The following ERICH3 variants were observed in gnomAD, a reference collection of about 807,000 sequenced individuals.
ERICH3 encodes the protein glutamate-rich protein 3.
ERICH3 carries 126 observed loss-of-function variants against 131.1 expected under a neutral mutation model. That is an observed-to-expected ratio of 0.96 (90% CI 0.83 to 1.11). The LOEUF (loss-of-function observed/expected upper bound fraction) is 1.11. ERICH3 is among the 50% of genes most tolerant of loss of function. ERICH3 has a pLI of 0.00. For missense variants in ERICH3, 2,050 were observed against 1,810.7 expected (o/e 1.13, Z -2.40); for synonymous variants, 695 against 644.6 (o/e 1.08, Z -1.18).
At chr1:74,627,191 C>T (rs1649446983) in intron 7 of ERICH3, among the ~76,000 whole-genome samples, 1 of 152,024 alleles carries the variant, frequency 6.6e-6, no homozygotes, top group South Asian at 2.1e-4. Context: ...CTCCAACAGA[C>T]ATCTAGCATG....
intron 10 of ERICH3, among the ~76,000 whole-genome samples, chr1:74,605,003 C>CT (rs1406792794): frequency 2.6e-5 from 4 of 151,990 alleles, no homozygotes; most frequent in African/African-American, 9.6e-5. Context: ...CAATGTAAGG[C>CT]TTTTTCATCT....
In ERICH3 at chr1:74,571,340, G is replaced by A. The variant is rs747292084; in HGVS notation, c.4370C>T (p.Ala1457Val). The change falls in exon 14 of 15, where the codon GCA becomes GTA. Residue 1457 changes from alanine (A) to valine (V), a missense_variant. Transcript: ENST00000326665. ...CCTCCCATCGCCACTCCCAGTGGCT[G>A]CCTCCTGGCCCTCTGACCCTTCCTC... ...EQEEGSEGQE[A>V]ATGSGDGRQE... 5 of 1,613,982 alleles carry A rather than the reference G, an allele frequency of 3.1e-6. No homozygotes were observed. Among genetic ancestry groups the A allele is most frequent in the Non-Finnish European group, 8.5e-7 (1 of 1,180,006 alleles).
At chr1:74,593,082 T>G (rs1044591986) in intron 11 of ERICH3, among the ~76,000 whole-genome samples, 1 of 152,162 alleles carries the variant, frequency 6.6e-6, no homozygotes, top group Non-Finnish European at 1.5e-5. Flanking sequence ...CTGGTAGTGA[T>G]GCTATAAGAA....
intron 9 of ERICH3, among the ~76,000 whole-genome samples, chr1:74,612,189 A>G (rs1216078445): frequency 6.6e-6 from 1 of 152,202 alleles, no homozygotes; most frequent in South Asian, 2.1e-4. Flanking sequence ...TAACCTCTAA[A>G]AGGCATAACC....
intron 5 of ERICH3, among the ~76,000 whole-genome samples, chr1:74,638,994 C>A (rs1646415149): frequency 6.6e-6 from 1 of 152,114 alleles, no homozygotes; most frequent in South Asian, 2.1e-4. Context: ...TTACAGTTTT[C>A]ATACACAAAC....
intron 1 of ERICH3, among the ~76,000 whole-genome samples, chr1:74,672,813 T>C (rs1249806469): frequency 6.6e-6 from 1 of 151,856 alleles, no homozygotes; most frequent in Non-Finnish European, 1.5e-5. Context: ...ATAATGACGG[T>C]GTTCTTTCTA....
intron 1 of ERICH3, among the ~76,000 whole-genome samples, chr1:74,667,445 C>G (rs1646702517): frequency 1.3e-5 from 2 of 152,140 alleles, no homozygotes; most frequent in African/African-American, 4.8e-5. Context: ...TCCAATAATT[C>G]AGTCTGCACA....
intron 5 of ERICH3, among the ~76,000 whole-genome samples, chr1:74,636,978 AATACT>A (rs1426113267): frequency 6.6e-6 from 1 of 152,204 alleles, no homozygotes; most frequent in Non-Finnish European, 1.5e-5. Flanking sequence ...GCATCCTTGA[AATACT>A]AGGAAAACAA....
intron 1 of ERICH3, among the ~76,000 whole-genome samples, chr1:74,662,158 G>T (rs917608921): frequency 6.6e-6 from 1 of 152,056 alleles, no homozygotes; most frequent in Admixed American, 6.6e-5. Flanking sequence ...TCTTGCATGT[G>T]GCCCTGAAAC....
intron 12 of ERICH3, chr1:74,578,076 G>A (rs1347620741): frequency 6.6e-6 from 1 of 152,236 alleles, no homozygotes; most frequent in Non-Finnish European, 1.5e-5. Context: ...CAGGATCACA[G>A]AGACCTAAAT....
intron 11 of ERICH3, among the ~76,000 whole-genome samples, chr1:74,598,391 C>G (rs957292697): frequency 3.3e-5 from 5 of 151,694 alleles, no homozygotes; most frequent in African/African-American, 9.7e-5. Context: ...ATGTCCCTAA[C>G]CTTTGGATTA....
In ERICH3 at chr1:74,612,727, C is replaced by G. The variant is rs748464128; in HGVS notation, c.1083G>C (p.Arg361Ser). 43 of 1,606,616 alleles carry G rather than the reference C, an allele frequency of 2.7e-5. No individual in the cohort carries two copies. Among genetic ancestry groups the G allele is most frequent in the Non-Finnish European group, 3.7e-5 (43 of 1,174,364 alleles). Residue 361 changes from arginine (R) to serine (S), a missense_variant, in exon 9 of 15, where the codon AGG becomes AGC. Physicochemically the swap from Arg to Ser is moderately radical, Grantham distance 110. Transcript: ENST00000326665. The part of the protein sequence containing the change: ...TFFLNGMQVN[R>S]LSSCCEYKHR... ...GCTTGTATTCACAACAGGAGCTTAA[C>G]CTGTTCACCTGCATCCCATTCAGGA...
intron 1 of ERICH3, among the ~76,000 whole-genome samples, chr1:74,668,967 T>G (rs1646717117): frequency 6.6e-6 from 1 of 152,176 alleles, no homozygotes; most frequent in African/African-American, 2.4e-5. Context: ...CATCCCAGTT[T>G]GCTAACTCGG....
intron 13 of ERICH3, 146 bp from the exon 14 acceptor site, chr1:74,573,637 C>T: frequency 9.9e-7 from 1 of 1,006,982 alleles, no homozygotes. Flanking sequence ...AAAACACTTT[C>T]TCCATTGTTT....
At chr1:74,575,692 G>C (rs1302443364) in intron 13 of ERICH3, among the ~76,000 whole-genome samples, 1 of 152,116 alleles carries the variant, frequency 6.6e-6, no homozygotes. Context: ...TTCTAATCTG[G>C]TTTCTAAATT....
At chr1:74,644,283 A>G (rs992639741) in intron 3 of ERICH3, among the ~76,000 whole-genome samples, 1 of 151,798 alleles carries the variant, frequency 6.6e-6, no homozygotes, top group African/African-American at 2.4e-5. Context: ...TTCACTATCA[A>G]CCTTTTTCCA....
chr1:74,634,539 A>C (rs1413803605), intron 6 of ERICH3: 14 of 602,266 alleles, frequency 2.3e-5, no homozygotes, highest in Non-Finnish European at 4.2e-5. Context: ...TAAAGGAAAA[A>C]AAAATTGCTC....
chr1:74,665,755 C>T (rs556660022), intron 1 of ERICH3, among the ~76,000 whole-genome samples: 17 of 152,138 alleles, frequency 1.1e-4, no homozygotes, highest in African/African-American at 4.1e-4. Context: ...AGATATTGGC[C>T]TGATTTAACC....
chr1:74,671,709 T>A (rs1646745192), intron 1 of ERICH3, among the ~76,000 whole-genome samples: 1 of 152,212 alleles, frequency 6.6e-6, no homozygotes, highest in African/African-American at 2.4e-5. Flanking sequence ...GAATGGAGCC[T>A]GGCACATCGT....
Sources: gnomAD v4.1 joint callset for allele counts (sites outside exome capture counted in the v4.1 genomes callset) on GRCh38, gnomAD v4.1.1 for gene constraint, MANE v1.5 for transcripts, NCBI Gene and HGNC (gene_info 2026-07-23, HGNC 2026-07-21) for gene names.